GALK2: variants seen among roughly 807,000 people sequenced by gnomAD.
The protein encoded by GALK2 is galactokinase 2, also known as N-acetylgalactosamine kinase.
In GALK2, 36 loss-of-function variants were observed where a neutral mutation model predicts 52.4. That is an observed-to-expected ratio of 0.69 (90% CI 0.53 to 0.91). The LOEUF is 0.91. Ranked by LOEUF, GALK2 falls within the 40% of genes least tolerant of loss-of-function variation. The pLI is 0.00. For missense variants in GALK2, 579 were observed against 559.1 expected (o/e 1.04, Z -0.36); for synonymous variants, 176 against 199.1 (o/e 0.88, Z 0.98).
intron 3 of GALK2, among the ~76,000 whole-genome samples, chr15:49,229,845 G>T (rs911175039): frequency 6.6e-6 from 1 of 152,096 alleles, no homozygotes; most frequent in Non-Finnish European, 1.5e-5. Context: ...GGCTGCAGGT[G>T]GGGTAGCGTT....
chr15:49,225,693 C>T (rs1425475994), intron 3 of GALK2, among the ~76,000 whole-genome samples: 6 of 152,222 alleles, frequency 3.9e-5, no homozygotes, highest in Admixed American at 6.5e-5. Flanking sequence ...TCTCTGTCTT[C>T]TGAGGGTGTG....
At chr15:49,210,799 T>G (rs952166914) in intron 2 of GALK2, among the ~76,000 whole-genome samples, 1 of 151,962 alleles carries the variant, frequency 6.6e-6, no homozygotes. Context: ...CAGGCTGGAG[T>G]GTAGTGGCAC....
At position 49,252,748 on chromosome 15, in the gene GALK2, T is replaced by C. The variant is rs983058262; in HGVS notation, c.504+13381T>C. On this transcript the variant is annotated intron_variant, in intron 5 of 9. Transcript: ENST00000560031. ...AGATATGATAACTTTACTTTTGAAATACACTGCCCAATCCGGAAAGATTTT... is the reference window on the plus strand; with the variant it reads ...AGATATGATAACTTTACTTTTGAAACACACTGCCCAATCCGGAAAGATTTT... Among the ~76,000 whole-genome samples the C allele has an allele frequency of 2.1e-5, 3 of 145,774 alleles. No individual in the cohort carries two copies. In the East Asian group the frequency reaches 5.8e-4, roughly 28 times the overall value.
At chr15:49,265,845 T>G (rs1401508015) in intron 5 of GALK2, among the ~76,000 whole-genome samples, 1 of 152,238 alleles carries the variant, frequency 6.6e-6, no homozygotes, top group Non-Finnish European at 1.5e-5. Context: ...GTTTTTAAGA[T>G]TCTTGCTAGC....
At chr15:49,226,059 G>A (rs1426776539) in intron 3 of GALK2, among the ~76,000 whole-genome samples, 1 of 152,202 alleles carries the variant, frequency 6.6e-6, no homozygotes, top group Non-Finnish European at 1.5e-5. Context: ...TGGTCAACTG[G>A]GGTTAGAGTT....
chr15:49,212,521 C>A (rs917927480), intron 2 of GALK2, among the ~76,000 whole-genome samples: 2 of 151,850 alleles, frequency 1.3e-5, no homozygotes, highest in Admixed American at 6.6e-5. Context: ...TGCTCTGATC[C>A]GAATTCTTTT....
At position 49,256,500 on chromosome 15, in the gene GALK2, G is replaced by A. The variant is rs181163052; in HGVS notation, c.504+17133G>A. ...CTTTTCAGGTTTCTCTAGTCATGTA[G>A]TTAGCACATTGGAAGCAAGAAAAGA... is the stretch of plus-strand genomic sequence containing the variant. On this transcript the variant is annotated intron_variant, in intron 5 of 9. Coordinates refer to ENST00000560031, the MANE Select transcript of GALK2 (RefSeq NM_002044.4). Among the ~76,000 whole-genome samples, 4 of 152,284 alleles carry A rather than the reference G, an allele frequency of 2.6e-5. No homozygotes were observed. In the East Asian group the frequency reaches 7.7e-4, roughly 29 times the overall value.
In GALK2 at chr15:49,355,378, T is replaced by A. The variant is rs544554595; in HGVS notation, c.427-12113T>A. ...CAGTATGTATAACTAGAATAACCAA[T>A]ACAGAGAACTGCCTAAAGGAGCTAA... is the stretch of plus-strand genomic sequence containing the variant. On this transcript the variant is annotated intron_variant, in intron 3 of 3. Coordinates refer to the GALK2 transcript ENST00000558399. Among the ~76,000 whole-genome samples, 17 of 152,100 alleles carry A rather than the reference T, an allele frequency of 1.1e-4. 1 individual carries two copies. The East Asian group carries it at 3.3e-3, about 29-fold the overall frequency.
At chr15:49,175,553 G>A (rs1464164845) in intron 1 of GALK2, among the ~76,000 whole-genome samples, 2 of 152,066 alleles carry the variant, frequency 1.3e-5, no homozygotes, top group Admixed American at 1.3e-4. Flanking sequence ...CAAATATGAT[G>A]TTTGCTGTTT....
chr15:49,169,552 T>A (rs565845858), upstream of GALK2, among the ~76,000 whole-genome samples: 2 of 152,034 alleles, frequency 1.3e-5, no homozygotes, highest in African/African-American at 4.8e-5. Context: ...CATAAGCAAA[T>A]AGGAGAACTA....
At chr15:49,190,486 C>A (rs1335126066) in intron 1 of GALK2, among the ~76,000 whole-genome samples, 2 of 152,148 alleles carry the variant, frequency 1.3e-5, no homozygotes, top group African/African-American at 4.8e-5. Context: ...TCATTAATTA[C>A]TGAGATAAAT....
At chr15:49,310,056 C>T (rs1394208485) in intron 8 of GALK2, among the ~76,000 whole-genome samples, 1 of 152,162 alleles carries the variant, frequency 6.6e-6, no homozygotes, top group African/African-American at 2.4e-5. Context: ...CCTTCCTGGC[C>T]TCTAGTAACT....
rs72727266 is a variant in GALK2, at chr15:49,327,623, C to T, written c.1170-329C>T. 6.0e-3 allele frequency: 1,072 copies of T among 179,228 alleles called. 7 individuals are homozygous for T. Among genetic ancestry groups the T allele is most frequent in the Non-Finnish European group, 9.4e-3 (813 of 86,128 alleles). 11.1% of individuals were successfully genotyped at this position (179,228 alleles called of 1,614,324 possible). A position where few individuals can be genotyped will look rare whatever the true frequency, so the allele number is the denominator to read the frequency against. ...ATCTTAACGCCTCCTTCCTGATTTA[C>T]GTGTAAGCTTGCTATACAACTCTTC... On this transcript the variant is annotated intron_variant, in intron 9 of 9. Coordinates refer to ENST00000560031, the MANE Select transcript of GALK2 (RefSeq NM_002044.4).
At chr15:49,246,708 G>T (rs557792659) in intron 5 of GALK2, among the ~76,000 whole-genome samples, 1 of 152,246 alleles carries the variant, frequency 6.6e-6, no homozygotes, top group African/African-American at 2.4e-5. Flanking sequence ...TGGGGAACCT[G>T]GGGAATCTCT....
At chr15:49,213,312 G>A (rs376475179) in intron 2 of GALK2, among the ~76,000 whole-genome samples, 6 of 151,866 alleles carry the variant, frequency 4.0e-5, no homozygotes, top group South Asian at 2.1e-4. Context: ...TCTTGCTCTC[G>A]TTTGGTTTTC....
chr15:49,205,032 A>G (rs986726002), intron 2 of GALK2, among the ~76,000 whole-genome samples: 3 of 152,124 alleles, frequency 2.0e-5, no homozygotes, highest in Admixed American at 6.5e-5. Flanking sequence ...CTGTTAATTC[A>G]TTCCTTTTTA....
chr15:49,367,549 C>T, exon 4 of GALK2: 1 of 1,606,250 alleles, frequency 6.2e-7, no homozygotes, highest in South Asian at 1.1e-5. Flanking sequence ...TCAATGGACT[C>T]TGACCTCCAA....
upstream of GALK2, among the ~76,000 whole-genome samples, chr15:49,168,700 A>G (rs1382308142): frequency 1.3e-5 from 2 of 151,484 alleles, no homozygotes; most frequent in Non-Finnish European, 2.9e-5. Flanking sequence ...CCTGGGCAAC[A>G]AAGAGCGAAA....
At chr15:49,238,709 C>T (rs1037407370) in intron 4 of GALK2, among the ~76,000 whole-genome samples, 2 of 152,084 alleles carry the variant, frequency 1.3e-5, no homozygotes, top group African/African-American at 4.8e-5. Flanking sequence ...GTTTGGAACT[C>T]CTTTTTTTCA....
Sources: allele counts gnomAD v4.1 joint callset (sites outside exome capture counted in the v4.1 genomes callset), GRCh38; gene constraint gnomAD v4.1.1; transcripts MANE v1.5; gene names NCBI Gene and HGNC (gene_info 2026-07-23, HGNC 2026-07-21).